The following PCDHGA3 variants were observed in gnomAD, a reference collection of about 807,000 sequenced individuals.
PCDHGA3 encodes the protein protocadherin gamma-A3.
PCDHGA3 carries 40 observed loss-of-function variants against 58.5 expected under a neutral mutation model. The observed-to-expected ratio is 0.68, with a 90% CI of 0.53 to 0.89. The LOEUF (loss-of-function observed/expected upper bound fraction) is 0.89, where lower values mean the gene tolerates loss of function less well. PCDHGA3 is among the 40% of genes least tolerant of loss of function. The pLI, the probability that PCDHGA3 is intolerant of heterozygous loss-of-function variation, is 0.00. For missense variants in PCDHGA3, 1,223 were observed against 1,195.9 expected (o/e 1.02, Z -0.33); for synonymous variants, 530 against 525.7 (o/e 1.01, Z -0.11).
Position 141,443,253 on chromosome 5 carries a change from G to A in PCDHGA3, c.2425-51554G>A, listed in dbSNP as rs192939862. 1.8e-4 allele frequency among the ~76,000 whole-genome samples: 28 copies of A among 152,214 alleles called. No individual in the cohort carries two copies. The Middle Eastern group carries it at 0.014, about 74-fold the overall frequency. On this transcript the variant is annotated intron_variant, in intron 1 of 3. Transcript: ENST00000253812. Reference sequence around the variant, plus strand: ...CTTAGCACTTTGGGGCGCCAAGGCGGGTGGATCACTTGAGCCCAGGAGTTT... The same window carrying A: ...CTTAGCACTTTGGGGCGCCAAGGCGAGTGGATCACTTGAGCCCAGGAGTTT...
chr5:141,372,348 C>A, intron 1 of PCDHGA3: 1 of 1,613,852 alleles, frequency 6.2e-7, no homozygotes, highest in Middle Eastern at 1.6e-4. Context: ...TGGAGGACAG[C>A]AGCCTCTTTC....
chr5:141,343,931 T>A lies in PCDHGA3; in HGVS notation c.-103T>A. 2 of 1,095,094 alleles carry A rather than the reference T, an allele frequency of 1.8e-6. No individual in the cohort carries two copies. The highest frequency in any genetic ancestry group is 2.6e-6 in the Non-Finnish European group (2 of 775,576). 67.8% of individuals were successfully genotyped at this position (1,095,094 alleles called of 1,614,324 possible). ...CTTAGTCAACCAGCTGTTTGACCTG[T>A]GAATTAGGCCCGTAAAAGACTTCGT... On this transcript the variant is annotated 5_prime_UTR_variant, in exon 1 of 4. Coordinates refer to ENST00000253812, the MANE Select transcript of PCDHGA3 (RefSeq NM_018916.4).
At chr5:141,376,055 G>C in intron 1 of PCDHGA3, 2 of 1,613,350 alleles carry the variant, frequency 1.2e-6, no homozygotes, top group Non-Finnish European at 1.7e-6. Flanking sequence ...CTCCGCCACT[G>C]TCACGCTCAC....
intron 1 of PCDHGA3, chr5:141,398,793 A>G (rs376843278): frequency 2.5e-5 from 41 of 1,613,830 alleles, no homozygotes; most frequent in South Asian, 1.1e-5. Flanking sequence ...ATCCACCCCT[A>G]AGCGGCACCA....
intron 1 of PCDHGA3, among the ~76,000 whole-genome samples, chr5:141,433,789 A>G (rs1388423731): frequency 6.7e-6 from 1 of 148,972 alleles, no homozygotes; most frequent in Non-Finnish European, 1.5e-5. Flanking sequence ...ATGAGCTGAG[A>G]TTGTGCCATT....
In PCDHGA3 at chr5:141,432,021, C is replaced by G. The variant is rs746940912; in HGVS notation, c.2425-62786C>G. 1.9e-5 allele frequency: 30 copies of G among 1,614,076 alleles called. No individual in the cohort carries two copies. The highest frequency in any genetic ancestry group is 2.7e-5 in the African/African-American group (2 of 74,922). Reference sequence around the variant, plus strand: ...GAACAGGTTCCTAGCTACAACATCACAGTGACCGCCACTGACCGGGGAACC... The same window carrying G: ...GAACAGGTTCCTAGCTACAACATCAGAGTGACCGCCACTGACCGGGGAACC... On this transcript the variant is annotated intron_variant, in intron 1 of 3. Transcript: ENST00000253812. The surrounding 1 kb of genome is among the most constrained non-coding windows in gnomAD (Gnocchi z 6.0).
chr5:141,346,998 C>CTCCT (rs1156574062), intron 1 of PCDHGA3, among the ~76,000 whole-genome samples: 4 of 151,050 alleles, frequency 2.6e-5, no homozygotes, highest in African/African-American at 2.4e-5. Flanking sequence ...TTTTTTCTTT[C>CTCCT]TCCTTCCTTC....
At chr5:141,352,663 T>C in intron 1 of PCDHGA3, 1 of 1,589,980 alleles carries the variant, frequency 6.3e-7, no homozygotes, top group Non-Finnish European at 8.6e-7. Flanking sequence ...CTTCTTTGTC[T>C]TCGCACGTGA....
chr5:141,383,578 C>A, intron 1 of PCDHGA3: 1 of 1,613,494 alleles, frequency 6.2e-7, no homozygotes, highest in Non-Finnish European at 8.5e-7. Flanking sequence ...CAGCACCGCC[C>A]ACATCCAGGT....
intron 1 of PCDHGA3, among the ~76,000 whole-genome samples, chr5:141,353,029 A>G (rs1246160441): frequency 6.6e-6 from 1 of 152,122 alleles, no homozygotes; most frequent in Admixed American, 6.5e-5. Context: ...TTTTCTTCTC[A>G]TTGGTGTATA....
intron 1 of PCDHGA3, chr5:141,394,283 T>A: frequency 6.2e-7 from 1 of 1,613,956 alleles, no homozygotes; most frequent in Non-Finnish European, 8.5e-7. Flanking sequence ...TCACTTACTC[T>A]GTGACCGAGG....
intron 1 of PCDHGA3, chr5:141,371,686 C>G: frequency 6.2e-7 from 1 of 1,614,028 alleles, no homozygotes; most frequent in East Asian, 2.2e-5. Context: ...GGCAATCCAC[C>G]GCTCTCCTCC....
intron 1 of PCDHGA3, among the ~76,000 whole-genome samples, chr5:141,347,361 C>T (rs1561493789): frequency 6.6e-6 from 1 of 151,940 alleles, no homozygotes; most frequent in Non-Finnish European, 1.5e-5. Flanking sequence ...TGCTATGTTT[C>T]CCAGGCTGGT....
rs11952292 is a variant in PCDHGA3 at position 141,491,682 on chromosome 5, G to T, written c.2425-3125G>T. The T allele has an allele frequency of 0.072, 115,891 of 1,613,112 alleles. 4,572 individuals carry two copies. The highest frequency in any genetic ancestry group is 0.11 in the South Asian group (9,996 of 91,042). ...ACGCCATCCGGTCCCGCTCTAATAC[G>T]CTGCGGGAGCGGAGCCAGGTGAGGG... On this transcript the variant is annotated intron_variant, in intron 1 of 3. Coordinates refer to ENST00000253812, the MANE Select transcript of PCDHGA3 (RefSeq NM_018916.4). The surrounding 1 kb of genome is among the most constrained non-coding windows in gnomAD (Gnocchi z 6.9).
intron 1 of PCDHGA3, chr5:141,475,983 C>A: frequency 9.5e-7 from 1 of 1,049,244 alleles, no homozygotes; most frequent in Non-Finnish European, 1.4e-6. Context: ...GAACAGCCGG[C>A]GAGCAAATCA....
intron 1 of PCDHGA3, among the ~76,000 whole-genome samples, chr5:141,479,837 G>A (rs563513895): frequency 3.9e-5 from 6 of 152,338 alleles, no homozygotes; most frequent in Non-Finnish European, 8.8e-5. Flanking sequence ...TGGTATCCAT[G>A]CAAGGTGACT....
rs1260935778 is a variant in PCDHGA3 at position 141,360,689 on chromosome 5, C to T, written c.2424+14232C>T. ...TACTTTGATCTCGCTGAGAAACAGA[C>T]TCCAGATGGTCGTAAATATCCTGAG... On this transcript the variant is annotated intron_variant, in intron 1 of 3. Transcript: ENST00000253812. 3 of 1,613,874 alleles carry T rather than the reference C, an allele frequency of 1.9e-6. No homozygotes were observed. The African/African-American group carries it at 4.0e-5, about 22-fold the overall frequency.
Position 141,432,072 on chromosome 5 carries a change from T to C in PCDHGA3, c.2425-62735T>C, listed in dbSNP as rs1236871982. The C allele has an allele frequency of 6.2e-7, 1 of 1,614,178 alleles. No homozygotes were observed. The highest frequency in any genetic ancestry group is 8.5e-7 in the Non-Finnish European group (1 of 1,180,032). On this transcript the variant is annotated intron_variant, in intron 1 of 3. Coordinates refer to ENST00000253812, the MANE Select transcript of PCDHGA3 (RefSeq NM_018916.4). This position sits in a 1 kb window ranked among gnomAD's most constrained non-coding sequence, Gnocchi z 6.0. ...CCGCCCCTATCCACGGAAACTCATA[T>C]CTCGCTGAACGTGGCAGACACCAAC...
intron 1 of PCDHGA3, chr5:141,375,961 G>A: frequency 6.2e-7 from 1 of 1,613,370 alleles, no homozygotes; most frequent in Non-Finnish European, 8.5e-7. Flanking sequence ...CGGGCGAGGT[G>A]CGCACGGCGC....
Sources: gnomAD v4.1 joint callset for allele counts (sites outside exome capture counted in the v4.1 genomes callset) on GRCh38, gnomAD v4.1.1 for gene constraint, Gnocchi (gnomAD v3.1) non-coding constraint, MANE v1.5 for transcripts, NCBI Gene and HGNC (gene_info 2026-07-23, HGNC 2026-07-21) for gene names.